MED12L: variants seen among roughly 807,000 people sequenced by gnomAD.
MED12L encodes mediator complex subunit 12L.
In MED12L, 60 loss-of-function variants were observed where a neutral mutation model predicts 281.3. The observed-to-expected ratio is 0.21, with a 90% CI of 0.17 to 0.26. The LOEUF is 0.26. Among genes scored for constraint, MED12L ranks in the 10% least tolerant of loss-of-function variants. MED12L has a pLI of 1.00. For synonymous variants in MED12L, 974 were observed against 987.2 expected, an observed-to-expected ratio of 0.99 and a Z score of 0.25; for missense variants, 2,146 against 2,680.9, an observed-to-expected ratio of 0.80 and a Z score of 4.41.
intron 13 of MED12L, 137 bp downstream of exon 13, chr3:151,188,617 T>C: frequency 2.5e-6 from 2 of 784,456 alleles, no homozygotes; most frequent in South Asian, 2.8e-5. Context: ...GAGCAAAATT[T>C]TGTGGCATGT....
chr3:151,392,491 T>C (rs1021009760), intron 38 of MED12L, among the ~76,000 whole-genome samples: 2 of 130,234 alleles, frequency 1.5e-5, no homozygotes, highest in South Asian at 2.4e-4. Flanking sequence ...AAAAAAAAAG[T>C]AAAAATAAAT....
At chr3:151,424,084 A>G (rs1560150432) in intron 43 of MED12L, among the ~76,000 whole-genome samples, 1 of 152,214 alleles carries the variant, frequency 6.6e-6, no homozygotes, top group Non-Finnish European at 1.5e-5. Flanking sequence ...TGCCTCTGGA[A>G]TTGGGAAGTA....
intron 16 of MED12L, among the ~76,000 whole-genome samples, chr3:151,227,922 C>T (rs576799611): frequency 2.6e-5 from 4 of 152,252 alleles, no homozygotes; most frequent in South Asian, 4.1e-4. Context: ...GGCAGTAGAA[C>T]GCCATGGTTT....
chr3:151,360,942 T>C lies in MED12L; in HGVS notation c.2957+337T>C, dbSNP rs148539335. 6.4e-4 allele frequency among the ~76,000 whole-genome samples: 98 copies of C among 152,230 alleles called. 1 individual carries two copies. The East Asian group carries it at 0.016, about 25-fold the overall frequency. ...GTACAGACAGTGCATTTTAAGTAAG[T>C]CCTACTGAAGTAATGATTATTTGAT... On this transcript the variant is annotated intron_variant, in intron 21 of 44. Coordinates refer to ENST00000687756, the MANE Select transcript of MED12L (RefSeq NM_001393769.1).
intron 16 of MED12L, among the ~76,000 whole-genome samples, chr3:151,272,841 TTTG>T (rs1741207451): frequency 1.3e-5 from 2 of 152,298 alleles, no homozygotes; most frequent in South Asian, 2.1e-4. Flanking sequence ...GGTGGTTATT[TTTG>T]TTCTGTTTTC....
intron 31 of MED12L, 38 bp downstream of exon 31, chr3:151,378,211 A>C (rs1711569749): frequency 6.5e-7 from 1 of 1,528,288 alleles, no homozygotes; most frequent in Non-Finnish European, 8.8e-7. Flanking sequence ...GAGAGTTTAA[A>C]GAATAATTGA....
chr3:151,104,336 T>A (rs1188989528), intron 2 of MED12L, among the ~76,000 whole-genome samples: 1 of 152,228 alleles, frequency 6.6e-6, no homozygotes, highest in Non-Finnish European at 1.5e-5. Context: ...GTATTAATGC[T>A]TTCTCTTATA....
chr3:151,290,945 C>T (rs909670699), intron 16 of MED12L, among the ~76,000 whole-genome samples: 2 of 152,068 alleles, frequency 1.3e-5, no homozygotes, highest in East Asian at 1.9e-4. Flanking sequence ...TGTTGAAAAT[C>T]GAAAATGTTT....
At chr3:151,141,166 G>GTTTTTTGTTT (rs1716883511) in intron 5 of MED12L, among the ~76,000 whole-genome samples, 2 of 98,122 alleles carry the variant, frequency 2.0e-5, no homozygotes, top group African/African-American at 1.1e-4. Context: ...CGTGCCTGGC[G>GTTTTTTGTTT]TTTTTTTTTT....
At chr3:151,201,224 C>T (rs1262675850) in intron 16 of MED12L, among the ~76,000 whole-genome samples, 1 of 116,032 alleles carries the variant, frequency 8.6e-6, no homozygotes, top group Non-Finnish European at 1.7e-5. Flanking sequence ...CGTGCACACA[C>T]TCTCTCTCTC....
intron 6 of MED12L, 56 bp from the exon 7 acceptor site, chr3:151,158,633 C>T: frequency 8.3e-7 from 1 of 1,206,964 alleles, no homozygotes; most frequent in Non-Finnish European, 1.2e-6. Context: ...ATGACAGTGC[C>T]TTTTTTGTTT....
Position 151,326,753 on chromosome 3 carries a change from G to A in MED12L, c.2251-23306G>A, listed in dbSNP as rs1053017235. The A allele has an allele frequency of 3.2e-4, 48 of 152,356 alleles. 1 individual carries two copies. The highest frequency in any genetic ancestry group is 9.1e-4 in the African/African-American group (38 of 41,584). 9.4% of individuals were successfully genotyped at this position (152,356 alleles called of 1,614,324 possible). ...GAAGAAAACGTGGGCTTCACCCTAC[G>A]ATGGTCGTGTTGGAGCTCGTGGCAC... On this transcript the variant is annotated intron_variant, in intron 16 of 44. Coordinates refer to ENST00000687756, the MANE Select transcript of MED12L (RefSeq NM_001393769.1).
Position 151,338,834 on chromosome 3 carries a change from G to A in MED12L, c.2251-11225G>A, listed in dbSNP as rs41267893. On this transcript the variant is annotated intron_variant, in intron 16 of 44. Coordinates refer to ENST00000687756, the MANE Select transcript of MED12L (RefSeq NM_001393769.1). ...TACCAGGCGCAGAGGTGAGGTTGTC[G>A]ACGGCTTGCATTTCTTGTTGGTTAC... The A allele has an allele frequency of 1.5e-3, 2,479 of 1,613,524 alleles. 9 individuals carry two copies. The highest frequency in any genetic ancestry group is 1.9e-3 in the Non-Finnish European group (2,267 of 1,179,634).
chr3:151,279,092 T>TTC (rs1157707342), intron 16 of MED12L, among the ~76,000 whole-genome samples: 8 of 152,338 alleles, frequency 5.3e-5, no homozygotes, highest in African/African-American at 1.4e-4. Flanking sequence ...TGACTATTAG[T>TTC]GCCATTAGAT....
chr3:151,370,780 A>G (rs1756080982), intron 26 of MED12L, among the ~76,000 whole-genome samples: 3 of 152,200 alleles, frequency 2.0e-5, no homozygotes, highest in African/African-American at 4.8e-5. Flanking sequence ...TCAGTTTTCA[A>G]TAAAATTATG....
intron 5 of MED12L, among the ~76,000 whole-genome samples, chr3:151,132,356 A>G (rs1184479570): frequency 1.3e-5 from 2 of 152,034 alleles, no homozygotes; most frequent in Non-Finnish European, 2.9e-5. Context: ...ATGTTTTTTT[A>G]GTTGTCTTTA....
intron 4 of MED12L, among the ~76,000 whole-genome samples, chr3:151,124,692 G>T (rs1370054698): frequency 6.6e-6 from 1 of 152,180 alleles, no homozygotes; most frequent in African/African-American, 2.4e-5. Flanking sequence ...TTCCTGTATG[G>T]ATCATGTTTC....
At chr3:151,421,695 C>T (rs1213459370) in intron 43 of MED12L, among the ~76,000 whole-genome samples, 2 of 152,148 alleles carry the variant, frequency 1.3e-5, no homozygotes, top group African/African-American at 4.8e-5. Flanking sequence ...AGGCATGAGC[C>T]ACCATGCCTG....
chr3:151,329,383 A>G (rs1224805090), intron 16 of MED12L: 4 of 686,182 alleles, frequency 5.8e-6, no homozygotes, highest in African/African-American at 3.7e-5. Flanking sequence ...CTCATAAACT[A>G]TGGTTTGTAG....
Sources: gnomAD v4.1 joint callset for allele counts (sites outside exome capture counted in the v4.1 genomes callset) on GRCh38, gnomAD v4.1.1 for gene constraint, MANE v1.5 for transcripts, NCBI Gene and HGNC (gene_info 2026-07-23, HGNC 2026-07-21) for gene names.